The following LRFN5 variants were observed in gnomAD, a reference collection of about 807,000 sequenced individuals.
LRFN5 encodes the protein leucine rich repeat and fibronectin type III domain containing 5, also known as leucine-rich repeat and fibronectin type-III domain-containing protein 5.
LRFN5 carries 24 observed loss-of-function variants against 45.6 expected under a neutral mutation model. The observed-to-expected ratio is 0.53, with a 90% CI of 0.38 to 0.74. LRFN5 has a LOEUF of 0.74. LRFN5 is among the 30% of genes least tolerant of loss of function. The pLI, the probability that LRFN5 is intolerant of heterozygous loss-of-function variation, is 0.00. For missense variants in LRFN5, 776 were observed against 861.5 expected, an observed-to-expected ratio of 0.90 and a Z score of 1.24; for synonymous variants, 340 against 313.8, an observed-to-expected ratio of 1.08 and a Z score of -0.88.
chr14:41,810,347 C>A (rs544780058), intron 2 of LRFN5, among the ~76,000 whole-genome samples: 1 of 152,072 alleles, frequency 6.6e-6, no homozygotes, highest in African/African-American at 2.4e-5. Context: ...ACTTGTGAGG[C>A]TGGATGCTTG....
intron 2 of LRFN5, among the ~76,000 whole-genome samples, chr14:41,773,273 C>CT (rs36087325): frequency 6.6e-6 from 1 of 152,262 alleles, no homozygotes; most frequent in African/African-American, 2.4e-5. Context: ...GAGCAGCTCA[C>CT]TTTTTTTGCC....
chr14:41,728,747 CT>C (rs1358261810), intron 1 of LRFN5, among the ~76,000 whole-genome samples: 1 of 152,072 alleles, frequency 6.6e-6, no homozygotes, highest in South Asian at 2.1e-4. Flanking sequence ...TTTTATGAGT[CT>C]CTTGGTTCTA....
chr14:41,616,966 A>G (rs956058702), intron 1 of LRFN5, among the ~76,000 whole-genome samples: 3 of 152,090 alleles, frequency 2.0e-5, no homozygotes, highest in Admixed American at 2.0e-4. Flanking sequence ...TTGCTCTTAT[A>G]TAGCTAATTG....
Position 41,887,248 on chromosome 14 carries a change from A to G in LRFN5, c.623A>G (p.Gln208Arg). 1.2e-6 allele frequency: 2 copies of G among 1,614,228 alleles called. No homozygotes were observed. Among genetic ancestry groups the G allele is most frequent in the Non-Finnish European group, 8.5e-7 (1 of 1,180,038 alleles). Residue 208 changes from glutamine (Q) to arginine (R), a missense_variant, in exon 3 of 6, where the codon CAG (glutamine) becomes CGG (arginine). Physicochemically the swap from Gln to Arg is conservative, Grantham distance 43 (BLOSUM62 1). Transcript: ENST00000298119. The surrounding 1 kb of genome is among the most constrained non-coding windows in gnomAD (Gnocchi z 4.8). ...TTAGATGTGACATCAAATAAATTGC[A>G]GAAGCTACCACCTGACCCTCTCTTT... Reference protein sequence around the residue: ...TRLDVTSNKLQKLPPDPLFQR... With the variant: ...TRLDVTSNKLRKLPPDPLFQR...
At chr14:41,882,637 TGAGAA>T (rs1259121599) in intron 2 of LRFN5, among the ~76,000 whole-genome samples, 2 of 152,164 alleles carry the variant, frequency 1.3e-5, no homozygotes, top group East Asian at 3.9e-4. Context: ...AATGAAGGTA[TGAGAA>T]TGACATAGGT....
chr14:41,788,644 G>T (rs1886813529), intron 2 of LRFN5, among the ~76,000 whole-genome samples: 1 of 152,030 alleles, frequency 6.6e-6, no homozygotes, highest in South Asian at 2.1e-4. Flanking sequence ...CCTGGAGATA[G>T]CACCAAAGGA....
chr14:41,898,978 T>C lies in LRFN5; in HGVS notation c.2142+18T>C. On this transcript the variant is annotated intron_variant, in intron 5 of 5. Coordinates refer to ENST00000298119, the MANE Select transcript of LRFN5 (RefSeq NM_152447.5). Reference sequence around the variant, plus strand: ...AAACACAGGTGAGATTCTTATTACCTATAACTTACTTCAACACTTAAATGG... The same window carrying C: ...AAACACAGGTGAGATTCTTATTACCCATAACTTACTTCAACACTTAAATGG... 6.3e-7 allele frequency: 1 copy of C among 1,598,636 alleles called. No homozygotes were observed. The highest frequency in any genetic ancestry group is 1.1e-5 in the South Asian group (1 of 88,482).
At chr14:41,822,996 A>G (rs571891196) in intron 2 of LRFN5, among the ~76,000 whole-genome samples, 1 of 151,016 alleles carries the variant, frequency 6.6e-6, no homozygotes, top group African/African-American at 2.4e-5. Flanking sequence ...CATATGTATG[A>G]TATATTTTTT....
At chr14:41,764,933 T>C (rs1459769731) in intron 1 of LRFN5, among the ~76,000 whole-genome samples, 1 of 152,098 alleles carries the variant, frequency 6.6e-6, no homozygotes, top group Admixed American at 6.6e-5. Context: ...AAAGGTGTAC[T>C]TTTTCAGTTA....
At chr14:41,641,790 T>A (rs1378121019) in intron 1 of LRFN5, among the ~76,000 whole-genome samples, 1 of 152,068 alleles carries the variant, frequency 6.6e-6, no homozygotes, top group African/African-American at 2.4e-5. Flanking sequence ...CCCTAAAATA[T>A]CAGAAAATGA....
chr14:41,824,579 G>A (rs1951877), intron 2 of LRFN5, among the ~76,000 whole-genome samples: 25,107 of 152,092 alleles, frequency 0.17, 2,192 homozygotes, highest in Non-Finnish European at 0.2. Context: ...TTGTTAGCAG[G>A]TTTTTTATTG....
intron 1 of LRFN5, among the ~76,000 whole-genome samples, chr14:41,634,022 A>G (rs1888641477): frequency 6.6e-6 from 1 of 152,176 alleles, no homozygotes; most frequent in South Asian, 2.1e-4. Context: ...AATTATCGCC[A>G]TATAATTATA....
chr14:41,707,132 T>C (rs1455560412), intron 1 of LRFN5, among the ~76,000 whole-genome samples: 1 of 152,212 alleles, frequency 6.6e-6, no homozygotes, highest in Non-Finnish European at 1.5e-5. Flanking sequence ...CAATATAGTT[T>C]ATGAAGTGTA....
chr14:41,894,397 T>G, intron 4 of LRFN5: 1 of 871,702 alleles, frequency 1.1e-6, no homozygotes, highest in Non-Finnish European at 1.4e-6. Flanking sequence ...CCATTGAAAA[T>G]AATTTAATGT....
intron 2 of LRFN5, among the ~76,000 whole-genome samples, chr14:41,849,015 A>G (rs1036055882): frequency 6.6e-6 from 1 of 152,042 alleles, no homozygotes; most frequent in Non-Finnish European, 1.5e-5. Context: ...AATATTGACT[A>G]ATTTAACAGC....
chr14:41,735,777 C>T (rs1884403218), intron 1 of LRFN5, among the ~76,000 whole-genome samples: 1 of 151,914 alleles, frequency 6.6e-6, no homozygotes, highest in Admixed American at 6.6e-5. Flanking sequence ...CCTGACAGAC[C>T]CCAGCATGTG....
intron 2 of LRFN5, among the ~76,000 whole-genome samples, chr14:41,830,403 T>C (rs189710180): frequency 2.5e-3 from 383 of 152,266 alleles, no homozygotes; most frequent in African/African-American, 8.7e-3. Flanking sequence ...TAATAAAATA[T>C]TTAAAGGGTT....
intron 1 of LRFN5, among the ~76,000 whole-genome samples, chr14:41,644,989 T>TA (rs1271698871): frequency 2.0e-5 from 3 of 152,210 alleles, no homozygotes; most frequent in Non-Finnish European, 4.4e-5. Context: ...CACAGTAAGG[T>TA]AACTAAAGCA....
At chr14:41,646,409 T>G (rs1489833963) in intron 1 of LRFN5, among the ~76,000 whole-genome samples, 3 of 152,194 alleles carry the variant, frequency 2.0e-5, no homozygotes, top group African/African-American at 7.2e-5. Context: ...ATTGCTGGAC[T>G]AAAGCAAACT....
Sources: gnomAD v4.1 joint callset for allele counts (sites outside exome capture counted in the v4.1 genomes callset) on GRCh38, gnomAD v4.1.1 for gene constraint, Gnocchi (gnomAD v3.1) non-coding constraint, MANE v1.5 for transcripts, NCBI Gene and HGNC (gene_info 2026-07-23, HGNC 2026-07-21) for gene names.